The following PCDHA4 variants were observed in gnomAD, a reference collection of about 807,000 sequenced individuals.
PCDHA4 encodes protocadherin alpha 4, also known as protocadherin alpha-4.
In PCDHA4, 49 loss-of-function variants were observed where a neutral mutation model predicts 61.4. The ratio of observed to expected loss-of-function variants is 0.80; its 90% CI spans 0.63 to 1.01. The LOEUF is 1.01. PCDHA4 is among the 50% of genes least tolerant of loss of function. The pLI is 0.00. For synonymous variants in PCDHA4, 590 were observed against 550.3 expected (o/e 1.07, Z -1.01); for missense variants, 1,254 against 1,235.8 (o/e 1.01, Z -0.22).
intron 1 of PCDHA4, chr5:140,858,024 C>G: frequency 6.3e-7 from 1 of 1,596,700 alleles, no homozygotes; most frequent in Non-Finnish European, 8.6e-7. Context: ...CCGTCGCTGA[C>G]GGCCACGGCC....
chr5:140,850,638 C>T (rs2150491842), intron 1 of PCDHA4: 3 of 1,598,668 alleles, frequency 1.9e-6, no homozygotes, highest in Non-Finnish European at 2.6e-6. Context: ...GGTTCTCACG[C>T]TGCTGCTGTA....
chr5:140,950,022 A>G (rs1355491628), intron 1 of PCDHA4, among the ~76,000 whole-genome samples: 1 of 151,918 alleles, frequency 6.6e-6, no homozygotes, highest in Non-Finnish European at 1.5e-5. Flanking sequence ...CCTTCATAAA[A>G]TATAGAAAAG....
At chr5:140,875,966 ACT>A (rs782792514) in intron 1 of PCDHA4, 11 of 1,613,922 alleles carry the variant, frequency 6.8e-6, no homozygotes, top group Admixed American at 6.7e-5. Context: ...ATCGGCGTAA[ACT>A]CTCTTTTGAC....
intron 1 of PCDHA4, among the ~76,000 whole-genome samples, chr5:140,964,317 G>A (rs1042787994): frequency 2.0e-5 from 3 of 152,218 alleles, no homozygotes; most frequent in Non-Finnish European, 4.4e-5. Context: ...GCCTAAAACA[G>A]CATAATGGAC....
chr5:141,007,394 A>G (rs2098323051), intron 3 of PCDHA4, among the ~76,000 whole-genome samples: 16 of 86,170 alleles, frequency 1.9e-4, no homozygotes, highest in Non-Finnish European at 3.5e-4. Context: ...CTACTAAAAT[A>G]CAAAAAAAAA....
intron 3 of PCDHA4, among the ~76,000 whole-genome samples, chr5:141,006,952 A>G (rs2098296225): frequency 1.3e-5 from 2 of 152,212 alleles, no homozygotes; most frequent in South Asian, 4.1e-4. Flanking sequence ...ATAGGCAGTT[A>G]TACATGAGAT....
At chr5:140,957,799 TA>T (rs1430681763) in intron 1 of PCDHA4, among the ~76,000 whole-genome samples, 2 of 152,032 alleles carry the variant, frequency 1.3e-5, no homozygotes, top group African/African-American at 2.4e-5. Context: ...ATATGTTAAG[TA>T]AAAAAAAGTC....
rs369564705 is a variant in PCDHA4, at chr5:140,807,723, C to T, written c.536C>T (p.Ser179Phe). The T allele has an allele frequency of 6.2e-7, 1 of 1,614,192 alleles. No individual in the cohort carries two copies. Among genetic ancestry groups the T allele is most frequent in the Non-Finnish European group, 8.5e-7 (1 of 1,180,032 alleles). The change falls in exon 1 of 4, where the codon TCT (serine) becomes TTT (phenylalanine). Residue 179 changes from serine (S) to phenylalanine (F), a missense_variant. Physicochemically the swap from Ser to Phe is radical, Grantham distance 155. Coordinates refer to ENST00000530339, the MANE Select transcript of PCDHA4 (RefSeq NM_018907.4). ...AGACTGAGCCCAAATGAATACTTTT[C>T]TCTGGAAAAACCACCTGATGACGAG... ...TYRLSPNEYFSLEKPPDDELV... is the reference protein window; with the variant it reads ...TYRLSPNEYFFLEKPPDDELV...
At chr5:140,812,997 A>G (rs1020894266) in intron 1 of PCDHA4, 2 of 152,210 alleles carry the variant, frequency 1.3e-5, no homozygotes, top group Non-Finnish European at 2.9e-5. Flanking sequence ...CTGTGGTCAG[A>G]AAAGATATTT....
chr5:140,833,929 T>C (rs2150212169), intron 1 of PCDHA4, among the ~76,000 whole-genome samples: 2 of 152,330 alleles, frequency 1.3e-5, no homozygotes, highest in South Asian at 4.1e-4. Context: ...AAATTCATGT[T>C]GTCACTTAGG....
At chr5:140,821,773 G>A in intron 1 of PCDHA4, 1 of 1,604,534 alleles carries the variant, frequency 6.2e-7, no homozygotes, top group East Asian at 2.2e-5. Context: ...GAACGAGATT[G>A]AGATGGTATA....
rs139331486 is a variant in PCDHA4, at chr5:140,836,143, C to A, written c.2385+26571C>A. 1,039 of 1,613,760 alleles carry A rather than the reference C, an allele frequency of 6.4e-4. 8 individuals carry two copies. The highest frequency in any genetic ancestry group is 1.2e-3 in the South Asian group (112 of 91,068). ...GAGCTTGTGCCGCGGTCTGTGGGCG[C>A]GGGCCATGTGGTGGCGAAGGTACGT... On this transcript the variant is annotated intron_variant, in intron 1 of 3. Coordinates refer to ENST00000530339, the MANE Select transcript of PCDHA4 (RefSeq NM_018907.4).
At chr5:140,902,905 G>A (rs933013740) in intron 1 of PCDHA4, among the ~76,000 whole-genome samples, 3 of 152,174 alleles carry the variant, frequency 2.0e-5, no homozygotes, top group Admixed American at 6.5e-5. Flanking sequence ...TTTAGTTTAT[G>A]GCTGAGTAGT....
intron 1 of PCDHA4, chr5:140,828,761 G>T (rs1769927024): frequency 1.9e-6 from 3 of 1,614,218 alleles, no homozygotes; most frequent in Middle Eastern, 1.6e-4. Flanking sequence ...TGAGCTCACA[G>T]GCACTGTTCA....
chr5:140,928,712 GT>G (rs782592622), intron 1 of PCDHA4: 1 of 1,614,168 alleles, frequency 6.2e-7, no homozygotes, highest in Non-Finnish European at 8.5e-7. Context: ...TCTGACTCTA[GT>G]CTCTTTAGAA....
At chr5:140,871,075 C>A in intron 1 of PCDHA4, 1 of 1,613,242 alleles carries the variant, frequency 6.2e-7, no homozygotes. Context: ...TGAGCCGGCG[C>A]TGACGGCCAC....
chr5:140,974,116 G>T (rs2096616118), intron 1 of PCDHA4, among the ~76,000 whole-genome samples: 1 of 152,192 alleles, frequency 6.6e-6, no homozygotes. Context: ...TTCTTTTGCA[G>T]TGTTTTAAAT....
At position 141,010,088 on chromosome 5, in the gene PCDHA4, C is replaced by T. The variant is rs1165296922; in HGVS notation, c.*151C>T. ...GAAAGTTCCCTGTGTCTGTCTAGAA[C>T]GCATTTAACAGGTTTTGTCGTAAAA... On this transcript the variant is annotated 3_prime_UTR_variant, in exon 4 of 4. Transcript: ENST00000530339. 2.0e-5 allele frequency: 33 copies of T among 1,612,012 alleles called. No homozygotes were observed. Among genetic ancestry groups the T allele is most frequent in the South Asian group, 4.4e-5 (4 of 90,728 alleles).
chr5:140,819,291 G>A (rs2150103686), intron 1 of PCDHA4, among the ~76,000 whole-genome samples: 6 of 152,022 alleles, frequency 3.9e-5, no homozygotes, highest in Non-Finnish European at 8.8e-5. Context: ...GAAAAATATA[G>A]CTTATTAAAA....
Sources: gnomAD v4.1 joint callset for allele counts (sites outside exome capture counted in the v4.1 genomes callset) on GRCh38, gnomAD v4.1.1 for gene constraint, MANE v1.5 for transcripts, NCBI Gene and HGNC (gene_info 2026-07-23, HGNC 2026-07-21) for gene names.